The following CNKSR2 variants were observed in gnomAD, a reference collection of about 807,000 sequenced individuals.
The protein encoded by CNKSR2 is connector enhancer of kinase suppressor of Ras 2.
In CNKSR2, 14 loss-of-function variants were observed where a neutral mutation model predicts 84.4. That is an observed-to-expected ratio of 0.17 (90% CI 0.11 to 0.26). The LOEUF (loss-of-function observed/expected upper bound fraction) is 0.26. CNKSR2 is among the 10% of genes least tolerant of loss of function. The pLI, the probability that CNKSR2 is intolerant of heterozygous loss-of-function variation, is 1.00. For synonymous variants in CNKSR2, 275 were observed against 277.9 expected, an observed-to-expected ratio of 0.99 and a Z score of 0.10; for missense variants, 485 against 771.2, an observed-to-expected ratio of 0.63 and a Z score of 4.40.
intron 8 of CNKSR2, among the ~76,000 whole-genome samples, chrX:21,510,357 T>TA (rs11435494): frequency 0.051 from 5,556 of 108,890 alleles, 384 homozygotes; most frequent in African/African-American, 0.17. Flanking sequence ...TGAAAAAAGG[T>TA]AAAAAAAAAG....
chrX:21,431,709 CTT>C (rs773774408), intron 2 of CNKSR2, among the ~76,000 whole-genome samples: 15 of 111,745 alleles, frequency 1.3e-4, no homozygotes, highest in Non-Finnish European at 2.8e-4. Context: ...TTAATTGTAA[CTT>C]TTGAAAACTT....
At chrX:21,513,458 T>G (rs2091696026) in intron 8 of CNKSR2, among the ~76,000 whole-genome samples, 1 of 112,289 alleles carries the variant, frequency 8.9e-6, no homozygotes, top group Non-Finnish European at 1.9e-5. Context: ...TTATTTGACC[T>G]ATGCAAGAAT....
chrX:21,592,517 G>A (rs778437133), intron 15 of CNKSR2: 6 of 111,326 alleles, frequency 5.4e-5, no homozygotes, highest in Non-Finnish European at 1.1e-4. Flanking sequence ...GGAGGTTGAG[G>A]CTGCAGTGAG....
At chrX:21,380,739 C>T (rs144451367) in intron 1 of CNKSR2, among the ~76,000 whole-genome samples, 2,777 of 111,747 alleles carry the variant, frequency 0.025, 38 homozygotes, top group Non-Finnish European at 0.039. Flanking sequence ...TGAGCCACTG[C>T]ACCCAGCCTC....
At chrX:21,586,119 G>A (rs1024449393) in intron 13 of CNKSR2, among the ~76,000 whole-genome samples, 9 of 111,023 alleles carry the variant, frequency 8.1e-5, no homozygotes, top group Non-Finnish European at 1.3e-4. Context: ...ACATATCTTA[G>A]GCACCGAGTC....
At chrX:21,412,527 A>AT (rs1472607737) in intron 1 of CNKSR2, among the ~76,000 whole-genome samples, 1 of 112,031 alleles carries the variant, frequency 8.9e-6, no homozygotes, top group South Asian at 3.7e-4. Context: ...TGATTAGGCA[A>AT]TTTTTTCATG....
At chrX:21,521,878 G>GA (rs1297651377) in intron 9 of CNKSR2, among the ~76,000 whole-genome samples, 2 of 110,596 alleles carry the variant, frequency 1.8e-5, no homozygotes, top group Non-Finnish European at 3.8e-5. Flanking sequence ...TTGCATTCTA[G>GA]AAAAAGCTGT....
intron 5 of CNKSR2, among the ~76,000 whole-genome samples, chrX:21,477,397 C>G (rs1354595848): frequency 9.0e-6 from 1 of 111,033 alleles, no homozygotes; most frequent in African/African-American, 3.3e-5. Context: ...ATGCTTTCTT[C>G]TCTTTTTTCT....
intron 4 of CNKSR2, among the ~76,000 whole-genome samples, chrX:21,464,206 T>G (rs983559614): frequency 1.1e-4 from 12 of 112,319 alleles, no homozygotes; most frequent in Non-Finnish European, 2.3e-4. Context: ...GAACATCAGC[T>G]GAATTTGGTT....
At chrX:21,437,561 A>G (rs962126817) in intron 3 of CNKSR2, among the ~76,000 whole-genome samples, 1 of 107,587 alleles carries the variant, frequency 9.3e-6, no homozygotes, top group African/African-American at 3.4e-5. Flanking sequence ...CTGGGATTAC[A>G]GGCACCCGTC....
chrX:21,553,279 G>T (rs753385875), intron 11 of CNKSR2, among the ~76,000 whole-genome samples: 3 of 111,585 alleles, frequency 2.7e-5, no homozygotes, highest in Admixed American at 1.9e-4. Context: ...GTGAAAAGAG[G>T]TCTGGGATAG....
intron 1 of CNKSR2, among the ~76,000 whole-genome samples, chrX:21,379,173 A>C (rs1418035452): frequency 1.8e-5 from 2 of 113,160 alleles, no homozygotes; most frequent in East Asian, 5.5e-4. Flanking sequence ...GTGTTGGATA[A>C]GGCAAAGATG....
At chrX:21,413,578 T>C (rs996574389) in intron 1 of CNKSR2, among the ~76,000 whole-genome samples, 4 of 111,199 alleles carry the variant, frequency 3.6e-5, no homozygotes, top group Non-Finnish European at 7.6e-5. Context: ...CTAAATATAT[T>C]TTTGTAAGTA....
chrX:21,631,006 ATTTT>A (rs1441657578), intron 20 of CNKSR2, among the ~76,000 whole-genome samples: 1 of 110,420 alleles, frequency 9.1e-6, no homozygotes, highest in Non-Finnish European at 1.9e-5. Context: ...TTTATAGCTA[ATTTT>A]TAATATTGGG....
At chrX:21,397,022 A>G (rs1024634668) in intron 1 of CNKSR2, among the ~76,000 whole-genome samples, 1 of 111,533 alleles carries the variant, frequency 9.0e-6, no homozygotes, top group African/African-American at 3.2e-5. Flanking sequence ...ATTTCATTTT[A>G]TCATAACTGA....
chrX:21,543,387 A>G, intron 11 of CNKSR2, among the ~76,000 whole-genome samples: 1 of 112,744 alleles, frequency 8.9e-6, no homozygotes, highest in Admixed American at 9.4e-5. Flanking sequence ...TTATTCCTTT[A>G]GACTTATTTA....
intron 11 of CNKSR2, among the ~76,000 whole-genome samples, chrX:21,558,945 A>G (rs2092163507): frequency 9.0e-6 from 1 of 111,492 alleles, no homozygotes; most frequent in Admixed American, 9.6e-5. Flanking sequence ...TTCAGTGCCC[A>G]TGCTGAAGTA....
chrX:21,503,945 G>A (rs1474502232), intron 8 of CNKSR2: 1 of 111,049 alleles, frequency 9.0e-6, no homozygotes, highest in Non-Finnish European at 1.9e-5. Context: ...CCTCCTTCTT[G>A]GCATACTGCT....
chrX:21,412,970 C>T (rs1405987050), intron 1 of CNKSR2, among the ~76,000 whole-genome samples: 1 of 111,713 alleles, frequency 9.0e-6, no homozygotes, highest in East Asian at 2.8e-4. Flanking sequence ...TAAGTACATT[C>T]ACATTTTTGT....
Sources: allele counts gnomAD v4.1 joint callset (sites outside exome capture counted in the v4.1 genomes callset), GRCh38; gene constraint gnomAD v4.1.1; transcripts MANE v1.5; gene names NCBI Gene and HGNC (gene_info 2026-07-23, HGNC 2026-07-21).